YAF2: variants seen among roughly 807,000 people sequenced by gnomAD.
YAF2 encodes the protein YY1-associated factor 2.
In YAF2, 7 loss-of-function variants were observed where a neutral mutation model predicts 20.1. The observed-to-expected ratio is 0.35, with a 90% confidence interval of 0.20 to 0.65. The LOEUF is 0.65. Ranked by LOEUF, YAF2 falls within the 30% of genes least tolerant of loss-of-function variation. The pLI is 0.69. For missense variants in YAF2, 151 were observed against 219.2 expected (o/e 0.69, Z 1.96); for synonymous variants, 74 against 76.0 (o/e 0.97, Z 0.14).
chr12:42,233,223 C>T, intron 2 of YAF2: 4 of 985,254 alleles, frequency 4.1e-6, no homozygotes, highest in Non-Finnish European at 4.8e-6. Flanking sequence ...AAAATAACAC[C>T]TATGAGAAAC....
chr12:42,184,642 T>A (rs1419300789), intron 2 of YAF2, among the ~76,000 whole-genome samples: 1 of 152,184 alleles, frequency 6.6e-6, no homozygotes, highest in East Asian at 1.9e-4. Context: ...ATACATTTCA[T>A]AAGGCTATAG....
chr12:42,188,042 A>G (rs1398909915), intron 2 of YAF2, among the ~76,000 whole-genome samples: 2 of 152,220 alleles, frequency 1.3e-5, no homozygotes, highest in Admixed American at 1.3e-4. Context: ...CACCCTCAGG[A>G]GAAACCCAGA....
At chr12:42,168,089 TTC>T (rs1303879033) in intron 2 of YAF2, among the ~76,000 whole-genome samples, 1 of 152,160 alleles carries the variant, frequency 6.6e-6, no homozygotes, top group East Asian at 1.9e-4. Flanking sequence ...AAATCTAGGA[TTC>T]TGTTACACTT....
At chr12:42,210,983 A>C (rs924653139) in intron 2 of YAF2, 1 of 194,052 alleles carries the variant, frequency 5.2e-6, no homozygotes, top group Non-Finnish European at 1.1e-5. Context: ...TATTAGTACA[A>C]GAATAATTAG....
At chr12:42,220,031 G>C (rs770875274) in intron 2 of YAF2, among the ~76,000 whole-genome samples, 1 of 152,172 alleles carries the variant, frequency 6.6e-6, no homozygotes, top group Non-Finnish European at 1.5e-5. Context: ...TCAGAGACTG[G>C]AGGACTTCTC....
At position 42,160,431 on chromosome 12, in the gene YAF2, T is replaced by G. The variant is rs2065773909; in HGVS notation, c.*158A>C. 1.6e-6 allele frequency: 1 copy of G among 636,792 alleles called. No homozygotes were observed. The highest frequency in any genetic ancestry group is 1.8e-5 in the African/African-American group (1 of 54,302). 39.4% of individuals were successfully genotyped at this position (636,792 alleles called of 1,614,324 possible). Reference sequence around the variant, plus strand: ...AAATGTTTGGTAGGCATCATTGCAATAAAATCTAACAAATTCTAACAAATT... The same window carrying G: ...AAATGTTTGGTAGGCATCATTGCAAGAAAATCTAACAAATTCTAACAAATT... On this transcript the variant is annotated 3_prime_UTR_variant, in exon 4 of 4. Coordinates refer to ENST00000534854, the MANE Select transcript of YAF2 (RefSeq NM_005748.6).
chr12:42,234,609 T>G (rs1365803250), intron 2 of YAF2: 5 of 985,158 alleles, frequency 5.1e-6, no homozygotes, highest in Non-Finnish European at 6.0e-6. Context: ...TGACCTACCA[T>G]GGATATAGCC....
chr12:42,219,607 C>T (rs989035062), intron 2 of YAF2, among the ~76,000 whole-genome samples: 2 of 152,150 alleles, frequency 1.3e-5, no homozygotes, highest in Non-Finnish European at 2.9e-5. Flanking sequence ...CACACCCATA[C>T]ATACAACCCT....
rs369485746 is a variant in YAF2 at position 42,160,819 on chromosome 12, A to G, written c.313T>C (p.Leu105=). 5.6e-6 allele frequency: 9 copies of G among 1,607,646 alleles called. No homozygotes were observed. Among genetic ancestry groups the G allele is most frequent in the Non-Finnish European group, 7.6e-6 (9 of 1,177,256 alleles). Residue 105 remains leucine, a synonymous_variant, in exon 4 of 4, where the codon TTG becomes CTG. Coordinates refer to ENST00000534854, the MANE Select transcript of YAF2 (RefSeq NM_005748.6). ...GCACTACTCCGATCCACATTTTTCA[A>G]TCTTGGCCTAAACATAAAAAAATGA... ...KNSHKKTRPR[L]KNVDRSSAQH...
chr12:42,209,589 A>AAAAAAAT (rs2067146705), intron 2 of YAF2, among the ~76,000 whole-genome samples: 1 of 149,848 alleles, frequency 6.7e-6, no homozygotes. Flanking sequence ...AAAAAAAAAA[A>AAAAAAAT]GTGCTAGACA....
At chr12:42,211,712 C>G (rs2067215974) in intron 2 of YAF2, among the ~76,000 whole-genome samples, 3 of 147,240 alleles carry the variant, frequency 2.0e-5, no homozygotes, top group African/African-American at 7.6e-5. Context: ...CCATTGCACT[C>G]CAGCCTGGGC....
intron 2 of YAF2, among the ~76,000 whole-genome samples, chr12:42,186,151 C>T (rs1015568346): frequency 3.0e-5 from 4 of 133,126 alleles, no homozygotes; most frequent in Non-Finnish European, 6.1e-5. Flanking sequence ...GATTGCGCCA[C>T]TGTACTCCAG....
chr12:42,162,724 G>A (rs2065825926), intron 2 of YAF2, among the ~76,000 whole-genome samples: 1 of 152,042 alleles, frequency 6.6e-6, no homozygotes, highest in African/African-American at 2.4e-5. Context: ...AAAAAATAAT[G>A]AGAAAATATT....
At chr12:42,202,186 A>G (rs2066917890) in intron 2 of YAF2, among the ~76,000 whole-genome samples, 1 of 152,168 alleles carries the variant, frequency 6.6e-6, no homozygotes, top group South Asian at 2.1e-4. Context: ...GCCTTCACCA[A>G]TGTTCCAAAT....
At chr12:42,228,205 C>T (rs1469350086) in intron 2 of YAF2, among the ~76,000 whole-genome samples, 17 of 81,318 alleles carry the variant, frequency 2.1e-4, no homozygotes, top group East Asian at 4.7e-4. Flanking sequence ...GTGGGGGGGT[C>T]GGCCCCCCGC....
intron 2 of YAF2, among the ~76,000 whole-genome samples, chr12:42,215,460 T>A (rs1434355563): frequency 6.6e-6 from 1 of 152,224 alleles, no homozygotes; most frequent in East Asian, 1.9e-4. Context: ...AGATAGCTGT[T>A]ACTTTATAGA....
Position 42,160,584 on chromosome 12 carries a change from A to G in YAF2, c.*5T>C, listed in dbSNP as rs775557728. On this transcript the variant is annotated 3_prime_UTR_variant, in exon 4 of 4. Transcript: ENST00000534854. ...AAGTGACTAAGAAATTGGAGAAAAT[A>G]AACTTTAATGAGATTCTCCATTCAA... 3 of 1,606,612 alleles carry G rather than the reference A, an allele frequency of 1.9e-6. No individual in the cohort carries two copies. The South Asian group carries it at 3.3e-5, about 18-fold the overall frequency.
At chr12:42,199,487 ACCACCAAAAAAT>A (rs1263159798) in intron 2 of YAF2, 1 of 200,140 alleles carries the variant, frequency 5.0e-6, no homozygotes, top group Non-Finnish European at 1.0e-5. Context: ...ACTCCAATTT[ACCACCAAAAAAT>A]CCACACACCT....
At chr12:42,214,129 T>A (rs1289170425) in intron 2 of YAF2, among the ~76,000 whole-genome samples, 1 of 152,218 alleles carries the variant, frequency 6.6e-6, no homozygotes, top group Non-Finnish European at 1.5e-5. Context: ...TAAATTGTGA[T>A]CTGGCATTTT....
Sources: allele counts gnomAD v4.1 joint callset (sites outside exome capture counted in the v4.1 genomes callset), GRCh38; gene constraint gnomAD v4.1.1; transcripts MANE v1.5; gene names NCBI Gene and HGNC (gene_info 2026-07-23, HGNC 2026-07-21).